The following MCHR2 variants were observed in gnomAD, a reference collection of about 807,000 sequenced individuals.
MCHR2 encodes melanin concentrating hormone receptor 2.
A neutral mutation model predicts 24.8 loss-of-function variants in MCHR2; 15 were observed. That is an observed-to-expected ratio of 0.60 (90% CI 0.40 to 0.93). The LOEUF (loss-of-function observed/expected upper bound fraction) is 0.93. MCHR2 is among the 40% of genes least tolerant of loss of function. The pLI, the probability that MCHR2 is intolerant of heterozygous loss-of-function variation, is 0.00. For synonymous variants in MCHR2, 151 were observed against 147.6 expected, an observed-to-expected ratio of 1.02 and a Z score of -0.17; for missense variants, 386 against 408.7, an observed-to-expected ratio of 0.94 and a Z score of 0.48.
At chr6:99,936,061 A>G (rs530319303) in intron 4 of MCHR2, among the ~76,000 whole-genome samples, 1 of 151,524 alleles carries the variant, frequency 6.6e-6, no homozygotes, top group Non-Finnish European at 1.5e-5. Context: ...TTTTTTTGCT[A>G]TTGAGTTGTT....
chr6:99,957,124 A>ATT (rs1775080010), intron 1 of MCHR2, among the ~76,000 whole-genome samples: 1 of 152,164 alleles, frequency 6.6e-6, no homozygotes, highest in Admixed American at 6.6e-5. Context: ...GAAGGCACTT[A>ATT]TGGATGACAT....
intron 1 of MCHR2, among the ~76,000 whole-genome samples, chr6:99,972,765 T>G (rs1408047968): frequency 6.6e-6 from 1 of 152,204 alleles, no homozygotes; most frequent in Non-Finnish European, 1.5e-5. Context: ...TGTTGTGTCT[T>G]TGTTCTCGTT....
chr6:99,930,445 G>T (rs1340119598), intron 5 of MCHR2, among the ~76,000 whole-genome samples: 7 of 152,220 alleles, frequency 4.6e-5, no homozygotes, highest in Admixed American at 6.5e-5. Flanking sequence ...TTCCAACTTG[G>T]TTCCATTCTC....
At chr6:99,988,763 A>G (rs1775812344) in intron 1 of MCHR2, among the ~76,000 whole-genome samples, 1 of 152,188 alleles carries the variant, frequency 6.6e-6, no homozygotes, top group Non-Finnish European at 1.5e-5. Flanking sequence ...ACTATAGAGG[A>G]TTAGAAGACA....
intron 5 of MCHR2, 94 bp downstream of exon 5, chr6:99,934,304 T>C: frequency 7.9e-7 from 1 of 1,268,202 alleles, no homozygotes; most frequent in South Asian, 2.1e-5. Flanking sequence ...CTAAATGTGG[T>C]ATGTTTCAAG....
chr6:99,962,624 T>A (rs1775214190), intron 1 of MCHR2, among the ~76,000 whole-genome samples: 1 of 152,130 alleles, frequency 6.6e-6, no homozygotes, highest in South Asian at 2.1e-4. Context: ...CTTAAATGTA[T>A]GACCAGAAAT....
chr6:99,956,277 A>T (rs895372730), intron 1 of MCHR2, 103 bp from the exon 2 acceptor site: 2 of 775,296 alleles, frequency 2.6e-6, no homozygotes, highest in African/African-American at 3.6e-5. Context: ...TTTAAAACCA[A>T]GATTCCATGG....
chr6:99,993,284 C>T (rs935932892), intron 1 of MCHR2, among the ~76,000 whole-genome samples: 14 of 152,208 alleles, frequency 9.2e-5, no homozygotes, highest in Non-Finnish European at 2.1e-4. Flanking sequence ...CCTACTTTCC[C>T]CAGTTCTCTG....
intron 5 of MCHR2, among the ~76,000 whole-genome samples, chr6:99,931,675 C>G (rs908279774): frequency 6.6e-6 from 1 of 152,162 alleles, no homozygotes; most frequent in African/African-American, 2.4e-5. Context: ...TGTGCCGTCT[C>G]CTAAGCCCGT....
intron 1 of MCHR2, among the ~76,000 whole-genome samples, chr6:99,985,409 C>T (rs1225519211): frequency 1.3e-5 from 2 of 152,124 alleles, no homozygotes; most frequent in Non-Finnish European, 2.9e-5. Context: ...AGATGTATCA[C>T]ATTACCTGAC....
chr6:99,930,015 C>G (rs1217849594), intron 5 of MCHR2, among the ~76,000 whole-genome samples: 1 of 150,252 alleles, frequency 6.7e-6, no homozygotes, highest in African/African-American at 2.5e-5. Context: ...CCTTCAGGAG[C>G]TCTTTTAGGG....
intron 1 of MCHR2, among the ~76,000 whole-genome samples, chr6:99,963,608 T>C (rs1775239651): frequency 6.6e-6 from 1 of 152,132 alleles, no homozygotes; most frequent in South Asian, 2.1e-4. Context: ...TAGTTCATAA[T>C]ACTGTACTGT....
intron 1 of MCHR2, among the ~76,000 whole-genome samples, chr6:99,971,959 T>G (rs1192763625): frequency 2.0e-5 from 3 of 152,240 alleles, no homozygotes; most frequent in Non-Finnish European, 4.4e-5. Flanking sequence ...TGGATTCGGT[T>G]TGCCAGTATT....
At chr6:99,929,825 T>A (rs1259858654) in intron 5 of MCHR2, among the ~76,000 whole-genome samples, 2 of 150,126 alleles carry the variant, frequency 1.3e-5, no homozygotes, top group Non-Finnish European at 3.0e-5. Flanking sequence ...ATTGGAGCAT[T>A]TAGTCCATTT....
At chr6:99,942,308 C>T (rs1475442718) in intron 4 of MCHR2, among the ~76,000 whole-genome samples, 1 of 152,156 alleles carries the variant, frequency 6.6e-6, no homozygotes, top group East Asian at 1.9e-4. Context: ...CTCCTACCCT[C>T]TCTGCTGGTT....
intron 2 of MCHR2, 21 bp from the exon 3 acceptor site, chr6:99,947,992 T>A (rs1291280423): frequency 6.3e-7 from 1 of 1,599,402 alleles, no homozygotes; most frequent in African/African-American, 1.3e-5. Flanking sequence ...TAGAGGAAAC[T>A]GAGGATTGAC....
At chr6:99,928,176 A>G (rs1296957320) in intron 5 of MCHR2, among the ~76,000 whole-genome samples, 1 of 152,164 alleles carries the variant, frequency 6.6e-6, no homozygotes, top group East Asian at 1.9e-4. Flanking sequence ...CTTGCATCCC[A>G]GGGATGAAGC....
intron 5 of MCHR2, among the ~76,000 whole-genome samples, chr6:99,932,649 A>G: frequency 6.6e-6 from 1 of 152,196 alleles, no homozygotes; most frequent in Admixed American, 6.5e-5. Context: ...GTACAGTCTA[A>G]TCATGATACA....
At chr6:99,921,618 T>C (rs1774234260) in intron 5 of MCHR2, among the ~76,000 whole-genome samples, 9 of 152,250 alleles carry the variant, frequency 5.9e-5, no homozygotes, top group Admixed American at 5.9e-4. Flanking sequence ...TACTTTGTAT[T>C]ACGAACAATC....
Sources: gnomAD v4.1 joint callset for allele counts (sites outside exome capture counted in the v4.1 genomes callset) on GRCh38, gnomAD v4.1.1 for gene constraint, MANE v1.5 for transcripts, NCBI Gene and HGNC (gene_info 2026-07-23, HGNC 2026-07-21) for gene names.